Variants in APTX observed in about 807,000 individuals in gnomAD.
APTX encodes the protein forkhead-associated domain histidine triad-like protein.
In APTX, 33 loss-of-function variants were observed where a neutral mutation model predicts 42.3. That is an observed-to-expected ratio of 0.78 (90% CI 0.59 to 1.04). The LOEUF (loss-of-function observed/expected upper bound fraction) is 1.04, where lower values mean the gene tolerates loss of function less well. Among genes scored for constraint, APTX ranks in the 50% least tolerant of loss-of-function variants. The pLI is 0.00. For synonymous variants in APTX, 130 were observed against 146.7 expected (o/e 0.89, Z 0.82); for missense variants, 421 against 415.1 (o/e 1.01, Z -0.12).
Position 32,984,732 on chromosome 9 carries a change from G to T in APTX, c.669C>A (p.Leu223=), listed in dbSNP as rs1343928843. 6.2e-7 allele frequency: 1 copy of T among 1,614,200 alleles called. No homozygotes were observed. Among genetic ancestry groups the T allele is most frequent in the Non-Finnish European group, 8.5e-7 (1 of 1,180,048 alleles). Residue 223 remains leucine (L), a synonymous_variant, in exon 6 of 8, where the codon CTC becomes CTA. Coordinates refer to ENST00000379817, the MANE Select transcript of APTX (RefSeq NM_001195248.2). The part of the protein sequence containing the change: ...LKAVAREHLE[L]LKHMHTVGEK... ...CCCCCACAGTGTGCATATGCTTAAG[G>T]AGTTCAAGGTGTTCCCTGGCCACAG...
intron 1 of APTX, among the ~76,000 whole-genome samples, chr9:33,010,342 A>G (rs1837453030): frequency 6.6e-6 from 1 of 152,136 alleles, no homozygotes; most frequent in Admixed American, 6.5e-5. Context: ...TGGCTGGCGC[A>G]TTCATTCATT....
chr9:33,001,405 AAGGTAGTAAC>A lies in APTX; in HGVS notation c.-5+152_-5+161del, dbSNP rs769235795. ...ACGCGAGCGCCCGCTGAAACAGCCC[AAGGTAGTAAC>A]AGGGGAGGACGGAGAAAGCAGCCGT... On this transcript the variant is annotated intron_variant, in intron 1 of 7. Coordinates refer to ENST00000379817, the MANE Select transcript of APTX (RefSeq NM_001195248.2). The A allele has an allele frequency of 4.6e-6, 7 of 1,535,624 alleles. No homozygotes were observed. In the South Asian group the frequency reaches 8.4e-5, roughly 18 times the overall value.
intron 1 of APTX, chr9:33,024,863 G>GC (rs1491372617): frequency 2.6e-4 from 7 of 27,392 alleles, no homozygotes; most frequent in East Asian, 1.6e-3. Context: ...CCCGTAAGAG[G>GC]GGGGGGGGGG....
intron 1 of APTX, among the ~76,000 whole-genome samples, chr9:32,991,796 G>T (rs560481670): frequency 1.4e-5 from 2 of 147,776 alleles, no homozygotes; most frequent in East Asian, 3.9e-4. Flanking sequence ...AAAAAAAGGC[G>T]AGACACTCAC....
At chr9:33,017,245 C>T (rs995184695) in intron 1 of APTX, among the ~76,000 whole-genome samples, 2 of 152,252 alleles carry the variant, frequency 1.3e-5, no homozygotes, top group East Asian at 1.9e-4. Flanking sequence ...CCAGGGTCTC[C>T]TGTACTTCTG....
At chr9:32,982,278 T>C (rs2118596749) in intron 6 of APTX, among the ~76,000 whole-genome samples, 1 of 152,222 alleles carries the variant, frequency 6.6e-6, no homozygotes, top group East Asian at 1.9e-4. Context: ...GCCAGGAAAG[T>C]AGGAACTGTC....
intron 1 of APTX, among the ~76,000 whole-genome samples, chr9:33,000,644 A>G (rs373405702): frequency 8.8e-5 from 13 of 147,656 alleles, no homozygotes; most frequent in East Asian, 4.0e-4. Context: ...AAAAAAAAAA[A>G]AAAGAAAAGA....
intron 1 of APTX, among the ~76,000 whole-genome samples, chr9:33,010,649 G>A (rs1310188043): frequency 6.6e-6 from 1 of 151,830 alleles, no homozygotes; most frequent in Non-Finnish European, 1.5e-5. Context: ...AACCCGGGAG[G>A]CAGAGGTTGC....
intron 6 of APTX, among the ~76,000 whole-genome samples, chr9:32,975,027 G>A (rs1829038483): frequency 6.6e-6 from 1 of 152,186 alleles, no homozygotes; most frequent in East Asian, 1.9e-4. Flanking sequence ...GATTTGAACG[G>A]AGACAGCACC....
In APTX at chr9:32,972,853, G is replaced by C; in HGVS notation, c.*645C>G. ...ACATGTGGCTGTTTCCTCACAGCCA[G>C]GAACCCTCGGTATTAGAAGAAAACT... On this transcript the variant is annotated 3_prime_UTR_variant, in exon 8 of 8. Transcript: ENST00000379817. 2.2e-6 allele frequency: 1 copy of C among 454,074 alleles called. No homozygotes were observed. The highest frequency in any genetic ancestry group is 1.6e-5 in the South Asian group (1 of 64,476). The allele number at this position is 454,074 out of a possible 1,614,324, so 28.1% of individuals were successfully genotyped here. A position where few individuals can be genotyped will look rare whatever the true frequency, so the allele number is the denominator to read the frequency against.
intron 1 of APTX, 109 bp downstream of exon 1, chr9:33,001,458 G>C: frequency 3.2e-6 from 5 of 1,583,522 alleles, no homozygotes; most frequent in Non-Finnish European, 4.3e-6. Flanking sequence ...GCGCATGAAA[G>C]CAGCGTCATT....
intron 1 of APTX, among the ~76,000 whole-genome samples, chr9:33,015,050 T>C (rs1000152451): frequency 2.6e-5 from 4 of 152,246 alleles, no homozygotes; most frequent in Non-Finnish European, 4.4e-5. Context: ...GTCATTCTTG[T>C]ATGCCTTTTA....
chr9:32,994,309 T>C (rs1348227171), intron 1 of APTX, among the ~76,000 whole-genome samples: 3 of 152,208 alleles, frequency 2.0e-5, no homozygotes, highest in Non-Finnish European at 4.4e-5. Context: ...GGGGCTACCA[T>C]AATATCCACC....
At chr9:32,989,943 CGA>C in intron 1 of APTX, 48 bp from the exon 2 acceptor site, 1 of 1,585,408 alleles carries the variant, frequency 6.3e-7, no homozygotes, top group Non-Finnish European at 8.6e-7. Context: ...TCCACTAGCA[CGA>C]GTCCTCCAGG....
At chr9:33,009,379 C>T (rs551841272) in intron 1 of APTX, among the ~76,000 whole-genome samples, 3 of 152,290 alleles carry the variant, frequency 2.0e-5, no homozygotes, top group African/African-American at 4.8e-5. Context: ...TACCCTTTCC[C>T]CCACCCCAAT....
intron 1 of APTX, among the ~76,000 whole-genome samples, chr9:33,000,438 C>T (rs1488821149): frequency 6.6e-6 from 1 of 151,798 alleles, no homozygotes; most frequent in Non-Finnish European, 1.5e-5. Flanking sequence ...ACCAGCCTGG[C>T]CAACATGGTG....
intron 6 of APTX, among the ~76,000 whole-genome samples, chr9:32,979,379 T>C (rs1043318810): frequency 6.6e-6 from 1 of 152,244 alleles, no homozygotes; most frequent in Non-Finnish European, 1.5e-5. Flanking sequence ...TCTCGTTCTT[T>C]TCTATGGCTG....
At chr9:33,017,401 C>G (rs1347186351) in intron 1 of APTX, among the ~76,000 whole-genome samples, 1 of 152,122 alleles carries the variant, frequency 6.6e-6, no homozygotes, top group Non-Finnish European at 1.5e-5. Context: ...GAATGGGTGT[C>G]TGGTGAGGGC....
In APTX at chr9:32,974,365, G is replaced by T. The variant is rs1828808228; in HGVS notation, c.874+93C>A. On this transcript the variant is annotated intron_variant, in intron 7 of 7. Coordinates refer to ENST00000379817, the MANE Select transcript of APTX (RefSeq NM_001195248.2). ...AACACAAAGTTGTACATAGGTTTTTGAGGTCAGACTGTTATTCAGGGAAAC... is the reference window on the plus strand; with the variant it reads ...AACACAAAGTTGTACATAGGTTTTTTAGGTCAGACTGTTATTCAGGGAAAC... The T allele has an allele frequency of 3.6e-6, 3 of 839,984 alleles. No homozygotes were observed. In the East Asian group the frequency reaches 7.6e-5, roughly 21 times the overall value. The allele number at this position is 839,984 out of a possible 1,614,324, so 52.0% of individuals were successfully genotyped here.
Sources: gnomAD v4.1 joint callset for allele counts (sites outside exome capture counted in the v4.1 genomes callset) on GRCh38, gnomAD v4.1.1 for gene constraint, MANE v1.5 for transcripts, NCBI Gene and HGNC (gene_info 2026-07-23, HGNC 2026-07-21) for gene names.